Variants in MEIS1 observed in about 807,000 individuals in gnomAD.
MEIS1 encodes the protein homeobox protein Meis1.
MEIS1 carries 5 observed loss-of-function variants against 50.8 expected under a neutral mutation model. The observed-to-expected ratio is 0.10, with a 90% CI of 0.05 to 0.21. The LOEUF (loss-of-function observed/expected upper bound fraction) is 0.21. Among genes scored for constraint, MEIS1 ranks in the 10% least tolerant of loss-of-function variants. The pLI, the probability that MEIS1 is intolerant of heterozygous loss-of-function variation, is 1.00. For missense variants in MEIS1, 318 were observed against 517.3 expected (o/e 0.61, Z 3.74); for synonymous variants, 176 against 179.3 (o/e 0.98, Z 0.15).
chr2:66,547,850 A>T, intron 8 of MEIS1, 93 bp from the exon 9 acceptor site: 1 of 1,217,926 alleles, frequency 8.2e-7, no homozygotes, highest in Non-Finnish European at 1.2e-6. Flanking sequence ...CAGCATTTTT[A>T]CCTTTAATTA....
chr2:66,539,799 T>C (rs1674607748), intron 8 of MEIS1, among the ~76,000 whole-genome samples: 2 of 152,196 alleles, frequency 1.3e-5, no homozygotes, highest in African/African-American at 4.8e-5. Context: ...GTCAAGGTTC[T>C]GATGAACTAA....
At chr2:66,480,232 A>G (rs1672985687) in intron 7 of MEIS1, among the ~76,000 whole-genome samples, 1 of 152,228 alleles carries the variant, frequency 6.6e-6, no homozygotes, top group South Asian at 2.1e-4. Context: ...TGTTATTCTA[A>G]TTATTTCCTA....
intron 7 of MEIS1, among the ~76,000 whole-genome samples, chr2:66,477,038 G>A (rs984311603): frequency 1.3e-5 from 2 of 152,142 alleles, no homozygotes; most frequent in East Asian, 1.9e-4. Context: ...AGGTAACAGG[G>A]GCAAGACCAC....
intron 5 of MEIS1, 32 bp from the exon 6 acceptor site, chr2:66,442,870 A>G (rs769619470): frequency 6.4e-7 from 1 of 1,563,254 alleles, no homozygotes; most frequent in South Asian, 1.2e-5. Flanking sequence ...TCCTGATTAT[A>G]TTCCCATTTT....
intron 7 of MEIS1, among the ~76,000 whole-genome samples, chr2:66,479,484 T>C (rs1353366542): frequency 1.3e-5 from 2 of 152,228 alleles, no homozygotes; most frequent in Non-Finnish European, 2.9e-5. Context: ...GTATATTGAA[T>C]ACAATTTAAA....
chr2:66,527,651 G>A (rs1674289129), intron 8 of MEIS1, among the ~76,000 whole-genome samples: 1 of 151,040 alleles, frequency 6.6e-6, no homozygotes, highest in Admixed American at 6.6e-5. Flanking sequence ...TTGGGGGGGA[G>A]ACAGGGATCA....
At chr2:66,501,997 A>G (rs1673568285) in intron 7 of MEIS1, among the ~76,000 whole-genome samples, 1 of 152,334 alleles carries the variant, frequency 6.6e-6, no homozygotes, top group Middle Eastern at 3.4e-3. Context: ...GAAGTGATAG[A>G]AGCTTAATTG....
chr2:66,535,938 A>T (rs11897580), intron 8 of MEIS1, among the ~76,000 whole-genome samples: 147,433 of 152,316 alleles, frequency 0.97, 71,526 homozygotes, highest in East Asian at 1. Context: ...TAGCTTAGAC[A>T]ACAATGGATA....
chr2:66,506,313 C>G (rs1242591318), intron 7 of MEIS1, among the ~76,000 whole-genome samples: 1 of 152,158 alleles, frequency 6.6e-6, no homozygotes, highest in African/African-American at 2.4e-5. Flanking sequence ...TTGAGCTGAG[C>G]TGTAAAGGTC....
At chr2:66,570,931 GA>G (rs1490495992) in intron 12 of MEIS1, 1 of 299,960 alleles carries the variant, frequency 3.3e-6, no homozygotes, top group Non-Finnish European at 6.2e-6. Context: ...ATTCTTGATA[GA>G]GAATATTTCA....
chr2:66,493,176 C>T (rs1186154381), intron 7 of MEIS1, among the ~76,000 whole-genome samples: 3 of 152,222 alleles, frequency 2.0e-5, no homozygotes, highest in African/African-American at 7.2e-5. Flanking sequence ...GTTTTTAAGG[C>T]AGCTGTAATT....
At chr2:66,501,776 G>A (rs1420455751) in intron 7 of MEIS1, among the ~76,000 whole-genome samples, 2 of 151,888 alleles carry the variant, frequency 1.3e-5, no homozygotes, top group Non-Finnish European at 2.9e-5. Context: ...TCTGAACACT[G>A]ACAAACTCCA....
chr2:66,482,515 T>C (rs555193018), intron 7 of MEIS1, among the ~76,000 whole-genome samples: 2 of 152,310 alleles, frequency 1.3e-5, no homozygotes, highest in South Asian at 2.1e-4. Context: ...TGTCTACCAG[T>C]TCTCTCTCTC....
intron 7 of MEIS1, among the ~76,000 whole-genome samples, chr2:66,511,486 A>G (rs1558544933): frequency 6.6e-6 from 1 of 152,188 alleles, no homozygotes; most frequent in Non-Finnish European, 1.5e-5. Flanking sequence ...ATTCTAATTT[A>G]CTATTAATTT....
rs1675485607 is a variant in MEIS1 at position 66,571,420 on chromosome 2, A to T, written c.*212A>T. 6.2e-7 allele frequency: 1 copy of T among 1,606,468 alleles called. No homozygotes were observed. Among genetic ancestry groups the T allele is most frequent in the African/African-American group, 1.3e-5 (1 of 74,892 alleles). On this transcript the variant is annotated 3_prime_UTR_variant, in exon 13 of 13. Transcript: ENST00000272369. Reference sequence around the variant, plus strand: ...CCTCACCACCCAACAGTGATGATGCATGGAGGACCGCCCCACCCTGGAATG... The same window carrying T: ...CCTCACCACCCAACAGTGATGATGCTTGGAGGACCGCCCCACCCTGGAATG...
At chr2:66,484,639 A>G (rs2103792364) in intron 7 of MEIS1, among the ~76,000 whole-genome samples, 1 of 151,780 alleles carries the variant, frequency 6.6e-6, no homozygotes, top group Admixed American at 6.6e-5. Flanking sequence ...GCTCACTGCA[A>G]CCTCTCCCTC....
intron 9 of MEIS1, among the ~76,000 whole-genome samples, chr2:66,551,958 A>G (rs897939589): frequency 1.3e-5 from 2 of 152,110 alleles, no homozygotes; most frequent in Non-Finnish European, 1.5e-5. Flanking sequence ...TAATTTAAGT[A>G]GAAACATCTT....
chr2:66,552,372 T>G (rs901418122), intron 9 of MEIS1, among the ~76,000 whole-genome samples: 1 of 152,208 alleles, frequency 6.6e-6, no homozygotes, highest in Admixed American at 6.5e-5. Flanking sequence ...CTTTATGCTC[T>G]GAGAAGGCAA....
At position 66,571,800 on chromosome 2, in the gene MEIS1, A is replaced by T. The variant is rs140870220; in HGVS notation, c.*592A>T. The T allele has an allele frequency of 2.7e-3, 1,031 of 385,808 alleles. 3 individuals carry two copies. Among genetic ancestry groups the T allele is most frequent in the African/African-American group, 5.6e-3 (260 of 46,760 alleles). 23.9% of individuals were successfully genotyped at this position (385,808 alleles called of 1,614,324 possible). A position where few individuals can be genotyped will look rare whatever the true frequency, so the allele number is the denominator to read the frequency against. ...TTACGTTGTTTCTTATAGATTTTTT[A>T]AAAAAAATGTGAAATTTTTCCACAC... On this transcript the variant is annotated 3_prime_UTR_variant, in exon 13 of 13. Coordinates refer to ENST00000272369, the MANE Select transcript of MEIS1 (RefSeq NM_002398.3).
Sources: allele counts gnomAD v4.1 joint callset (sites outside exome capture counted in the v4.1 genomes callset), GRCh38; gene constraint gnomAD v4.1.1; transcripts MANE v1.5; gene names NCBI Gene and HGNC (gene_info 2026-07-23, HGNC 2026-07-21).